SULF1: variants seen among roughly 807,000 people sequenced by gnomAD.
The protein encoded by SULF1 is extracellular sulfatase Sulf-1.
A neutral mutation model predicts 110.5 loss-of-function variants in SULF1; 46 were observed. That is an observed-to-expected ratio of 0.42 (90% CI 0.33 to 0.53). The LOEUF (loss-of-function observed/expected upper bound fraction) is 0.53, where lower values mean the gene tolerates loss of function less well. Ranked by LOEUF, SULF1 falls within the 20% of genes least tolerant of loss-of-function variation. The pLI is 0.12. For missense variants in SULF1, 941 were observed against 1,094.2 expected, an observed-to-expected ratio of 0.86 and a Z score of 1.98; for synonymous variants, 371 against 387.1, an observed-to-expected ratio of 0.96 and a Z score of 0.49.
upstream of SULF1, among the ~76,000 whole-genome samples, chr8:69,490,536 A>G (rs1460092795): frequency 1.3e-5 from 2 of 152,230 alleles, no homozygotes; most frequent in African/African-American, 2.4e-5. Context: ...CCAACTGAGT[A>G]AAGTCCAAGC....
At chr8:69,478,300 A>G (rs1809385901) in intron 1 of SULF1, among the ~76,000 whole-genome samples, 1 of 152,054 alleles carries the variant, frequency 6.6e-6, no homozygotes, top group Admixed American at 6.6e-5. Flanking sequence ...CATTAAACTC[A>G]TCTTATTTCT....
At chr8:69,484,999 C>T (rs992395109) in intron 1 of SULF1, among the ~76,000 whole-genome samples, 2 of 152,142 alleles carry the variant, frequency 1.3e-5, no homozygotes, top group African/African-American at 4.8e-5. Context: ...TCACAGCACC[C>T]GGCTACAGCC....
At chr8:69,595,867 A>C (rs1294534679) in intron 8 of SULF1, among the ~76,000 whole-genome samples, 1 of 152,242 alleles carries the variant, frequency 6.6e-6, no homozygotes, top group African/African-American at 2.4e-5. Context: ...TTTAATATAC[A>C]ACACATGCAT....
intron 3 of SULF1, among the ~76,000 whole-genome samples, chr8:69,517,103 A>G (rs1328395734): frequency 6.6e-6 from 1 of 152,210 alleles, no homozygotes; most frequent in Non-Finnish European, 1.5e-5. Context: ...GTCCAAGAGC[A>G]TGGTGCCAGC....
intron 3 of SULF1, among the ~76,000 whole-genome samples, chr8:69,532,326 T>C (rs1464031387): frequency 6.6e-6 from 1 of 152,198 alleles, no homozygotes; most frequent in Non-Finnish European, 1.5e-5. Flanking sequence ...CATTTTAAAC[T>C]TCATTGAACC....
intron 18 of SULF1, 31 bp downstream of exon 18, chr8:69,628,267 G>A: frequency 6.3e-7 from 1 of 1,589,786 alleles, no homozygotes; most frequent in South Asian, 1.1e-5. Flanking sequence ...CACATTTGCT[G>A]GGAGTCAATG....
intron 17 of SULF1, 49 bp downstream of exon 17, chr8:69,627,915 A>C: frequency 7.1e-7 from 1 of 1,416,974 alleles, no homozygotes; most frequent in Non-Finnish European, 9.9e-7. Flanking sequence ...ATTTCCGCAC[A>C]AGCCAGAGGC....
chr8:69,587,557 G>A (rs1275489347), intron 7 of SULF1, among the ~76,000 whole-genome samples: 1 of 152,154 alleles, frequency 6.6e-6, no homozygotes, highest in African/African-American at 2.4e-5. Flanking sequence ...AGACCTTGGA[G>A]GCAAATTTGA....
chr8:69,472,102 C>T (rs565877387), intron 1 of SULF1, among the ~76,000 whole-genome samples: 10 of 152,086 alleles, frequency 6.6e-5, no homozygotes, highest in African/African-American at 2.4e-4. Context: ...GTTAAATACA[C>T]GTTGAGGGAG....
chr8:69,512,161 A>G (rs1811609210), intron 3 of SULF1, among the ~76,000 whole-genome samples: 1 of 152,176 alleles, frequency 6.6e-6, no homozygotes, highest in Non-Finnish European at 1.5e-5. Context: ...TTGCCATAGG[A>G]TCTCAAAGTA....
At chr8:69,613,795 C>G (rs1808858042) in intron 13 of SULF1, among the ~76,000 whole-genome samples, 1 of 152,072 alleles carries the variant, frequency 6.6e-6, no homozygotes, top group South Asian at 2.1e-4. Flanking sequence ...TAGTACTGCT[C>G]TAGGTTCATA....
intron 22 of SULF1, among the ~76,000 whole-genome samples, chr8:69,645,162 G>C (rs1270619359): frequency 6.6e-6 from 1 of 152,180 alleles, no homozygotes; most frequent in Non-Finnish European, 1.5e-5. Flanking sequence ...TCCAGCCAAA[G>C]CTCGGCCATG....
At chr8:69,588,691 G>A (rs1431711930) in intron 7 of SULF1, among the ~76,000 whole-genome samples, 1 of 152,082 alleles carries the variant, frequency 6.6e-6, no homozygotes, top group Admixed American at 6.5e-5. Context: ...ATTATCTTGG[G>A]CAAACACGAC....
intron 3 of SULF1, among the ~76,000 whole-genome samples, chr8:69,524,149 A>C (rs1296313510): frequency 5.2e-5 from 6 of 115,354 alleles, no homozygotes; most frequent in African/African-American, 1.1e-4. Flanking sequence ...GAGAGCATGG[A>C]GGGAGGGAGA....
intron 19 of SULF1, among the ~76,000 whole-genome samples, chr8:69,630,122 C>T (rs76277463): frequency 0.016 from 2,435 of 152,310 alleles, 62 homozygotes; most frequent in African/African-American, 0.055. Context: ...AGGGCCCATA[C>T]TCTACTTATT....
At chr8:69,628,659 G>A (rs1456617884) in intron 18 of SULF1, among the ~76,000 whole-genome samples, 1 of 152,132 alleles carries the variant, frequency 6.6e-6, no homozygotes, top group Non-Finnish European at 1.5e-5. Flanking sequence ...AGCAAAATTT[G>A]CATGTGAAGG....
intron 6 of SULF1, among the ~76,000 whole-genome samples, chr8:69,579,081 T>C (rs1805861207): frequency 6.9e-6 from 1 of 144,302 alleles, no homozygotes; most frequent in Admixed American, 7.1e-5. Context: ...GAATGGCGTG[T>C]ACCTGGGAGG....
At chr8:69,541,094 C>A (rs1212337814) in intron 3 of SULF1, among the ~76,000 whole-genome samples, 1 of 151,984 alleles carries the variant, frequency 6.6e-6, no homozygotes, top group East Asian at 1.9e-4. Flanking sequence ...TTGGGAGAAG[C>A]ATGATGGAGA....
At chr8:69,600,059 A>T (rs1239849622) in intron 8 of SULF1, among the ~76,000 whole-genome samples, 1 of 152,184 alleles carries the variant, frequency 6.6e-6, no homozygotes, top group Non-Finnish European at 1.5e-5. Context: ...AGTCCAGTTA[A>T]AGTAATGGCA....
Sources: allele counts gnomAD v4.1 joint callset (sites outside exome capture counted in the v4.1 genomes callset), GRCh38; gene constraint gnomAD v4.1.1; transcripts MANE v1.5; gene names NCBI Gene and HGNC (gene_info 2026-07-23, HGNC 2026-07-21).